Variants in TTLL5 observed in about 807,000 individuals in gnomAD.
The protein encoded by TTLL5 is tubulin tyrosine ligase like 5, also known as tubulin polyglutamylase TTLL5.
A neutral mutation model predicts 168.4 loss-of-function variants in TTLL5; 132 were observed. The ratio of observed to expected loss-of-function variants is 0.78; its 90% CI spans 0.68 to 0.91. TTLL5 has a LOEUF of 0.91. Among genes scored for constraint, TTLL5 ranks in the 40% least tolerant of loss-of-function variants. The pLI is 0.00. For synonymous variants in TTLL5, 546 were observed against 558.6 expected (o/e 0.98, Z 0.32); for missense variants, 1,545 against 1,581.5 (o/e 0.98, Z 0.39).
At chr14:75,929,636 A>G (rs2034208009) in intron 31 of TTLL5, among the ~76,000 whole-genome samples, 1 of 152,062 alleles carries the variant, frequency 6.6e-6, no homozygotes, top group African/African-American at 2.4e-5. Context: ...TATTTTTAGT[A>G]GAGACAGGGT....
chr14:75,787,058 G>A (rs1359347253), intron 26 of TTLL5, among the ~76,000 whole-genome samples: 2 of 151,952 alleles, frequency 1.3e-5, no homozygotes, highest in Non-Finnish European at 2.9e-5. Context: ...GCTTGAACCC[G>A]GGAGGCAGAG....
At chr14:75,696,442 G>A (rs2140149311) in intron 6 of TTLL5, among the ~76,000 whole-genome samples, 1 of 152,206 alleles carries the variant, frequency 6.6e-6, no homozygotes, top group South Asian at 2.1e-4. Context: ...GATATTAATA[G>A]CCTCTTGCTC....
chr14:75,667,776 T>TTTTTTTTTTTG (rs869185683), intron 2 of TTLL5, among the ~76,000 whole-genome samples: 1 of 146,950 alleles, frequency 6.8e-6, no homozygotes, highest in Non-Finnish European at 1.5e-5. Flanking sequence ...TTTTTTTTTT[T>TTTTTTTTTTTG]ATTGAGACGG....
At chr14:75,912,402 G>A (rs2033429037) in intron 31 of TTLL5, among the ~76,000 whole-genome samples, 1 of 152,090 alleles carries the variant, frequency 6.6e-6, no homozygotes, top group African/African-American at 2.4e-5. Context: ...CATTTTTTCA[G>A]ATGGGATTGT....
At chr14:75,867,859 C>G (rs564537606) in intron 29 of TTLL5, among the ~76,000 whole-genome samples, 1 of 151,930 alleles carries the variant, frequency 6.6e-6, no homozygotes, top group South Asian at 2.1e-4. Context: ...TATATTGATA[C>G]AGCCCAATGC....
intron 30 of TTLL5, chr14:75,887,164 A>G: frequency 9.8e-7 from 1 of 1,020,568 alleles, no homozygotes; most frequent in South Asian, 4.4e-5. Flanking sequence ...CAGGGAGGAA[A>G]GCCATCAGGA....
At chr14:75,923,713 A>G (rs529891856) in intron 31 of TTLL5, among the ~76,000 whole-genome samples, 1 of 152,312 alleles carries the variant, frequency 6.6e-6, no homozygotes, top group African/African-American at 2.4e-5. Flanking sequence ...AGTACTATAG[A>G]TGTCTATTAG....
At chr14:75,690,377 TTAC>T in intron 6 of TTLL5, 55 bp downstream of exon 6, 9 of 1,544,368 alleles carry the variant, frequency 5.8e-6, no homozygotes, top group Non-Finnish European at 7.8e-6. Context: ...TGGGGAATAT[TTAC>T]CCCAAAAGCC....
intron 7 of TTLL5, among the ~76,000 whole-genome samples, chr14:75,706,360 A>G (rs1002044954): frequency 2.6e-5 from 4 of 152,224 alleles, no homozygotes; most frequent in African/African-American, 4.8e-5. Flanking sequence ...GGCAGAGATT[A>G]TATGTGTTAT....
At chr14:75,914,635 T>C (rs1333596201) in intron 31 of TTLL5, among the ~76,000 whole-genome samples, 1 of 148,570 alleles carries the variant, frequency 6.7e-6, no homozygotes, top group Non-Finnish European at 1.5e-5. Flanking sequence ...TTTTTTTTTT[T>C]TTTTTTGAGA....
chr14:75,721,898 A>G (rs563018481), intron 12 of TTLL5, among the ~76,000 whole-genome samples: 85 of 152,366 alleles, frequency 5.6e-4, no homozygotes, highest in African/African-American at 2.0e-3. Context: ...TAGATAAATC[A>G]GGACCTAAAA....
Position 75,707,063 on chromosome 14 carries a change from A to G in TTLL5, c.631A>G (p.Ile211Val). 1 of 1,612,952 alleles carries G rather than the reference A, an allele frequency of 6.2e-7. No homozygotes were observed. Among genetic ancestry groups the G allele is most frequent in the Non-Finnish European group, 8.5e-7 (1 of 1,179,236 alleles). Residue 211 changes from isoleucine to valine, a missense_variant, in exon 8 of 32, where the codon ATT becomes GTT. Coordinates refer to ENST00000298832, the MANE Select transcript of TTLL5 (RefSeq NM_015072.5). ...LEENILVSRY[I>V]NNPLLIDDFK... is the part of the protein sequence containing the mutation. ...AGAGAACATTTTGGTCTCCCGTTACATTAACAACCCCCTGCTCATAGATGG... is the reference window on the plus strand; with the variant it reads ...AGAGAACATTTTGGTCTCCCGTTACGTTAACAACCCCCTGCTCATAGATGG...
chr14:75,684,331 G>A (rs1476994896), intron 5 of TTLL5: 1 of 152,020 alleles, frequency 6.6e-6, no homozygotes, highest in Non-Finnish European at 1.5e-5. Flanking sequence ...ATCTTAGTCT[G>A]GTATATTGTC....
In TTLL5 at chr14:75,886,582, AT is replaced by A; in HGVS notation, c.3740+3681del. ...ATATACTTGTATTTCATTTAGCTAA[AT>A]CTCATTTGTCAGTTCTGTGAAGGGA... On this transcript the variant is annotated intron_variant, in intron 30 of 31. Transcript: ENST00000298832. 3.4e-6 allele frequency: 4 copies of A among 1,193,562 alleles called. No homozygotes were observed. The South Asian group carries it at 5.6e-5, about 17-fold the overall frequency. 73.9% of individuals were successfully genotyped at this position (1,193,562 alleles called of 1,614,324 possible). A position where few individuals can be genotyped will look rare whatever the true frequency, so the allele number is the denominator to read the frequency against.
At chr14:75,732,249 T>C in intron 12 of TTLL5, 89 bp from the exon 13 acceptor site, 1 of 1,107,836 alleles carries the variant, frequency 9.0e-7, no homozygotes, top group Non-Finnish European at 1.3e-6. Context: ...TTTCTAGGCC[T>C]GGGAGTTAAT....
At chr14:75,940,051 C>G (rs2034549603) in intron 31 of TTLL5, among the ~76,000 whole-genome samples, 1 of 150,948 alleles carries the variant, frequency 6.6e-6, no homozygotes, top group Non-Finnish European at 1.5e-5. Flanking sequence ...TCTTCATTAC[C>G]AGAGCTCCCT....
At chr14:75,939,207 TAGA>T (rs2034522771) in intron 31 of TTLL5, among the ~76,000 whole-genome samples, 1 of 152,212 alleles carries the variant, frequency 6.6e-6, no homozygotes, top group Admixed American at 6.5e-5. Context: ...CAGAATGAAA[TAGA>T]AGAATACCAG....
chr14:75,878,935 A>C (rs1446576203), intron 29 of TTLL5, among the ~76,000 whole-genome samples: 1 of 152,234 alleles, frequency 6.6e-6, no homozygotes, highest in Non-Finnish European at 1.5e-5. Context: ...ACAAGATTAC[A>C]TCTGGATATA....
chr14:75,710,919 A>C (rs751089368), intron 9 of TTLL5: 1 of 152,236 alleles, frequency 6.6e-6, no homozygotes, highest in Non-Finnish European at 1.5e-5. Flanking sequence ...GGAGGCAAAT[A>C]CAATTCATTT....
Sources: gnomAD v4.1 joint callset for allele counts (sites outside exome capture counted in the v4.1 genomes callset) on GRCh38, gnomAD v4.1.1 for gene constraint, MANE v1.5 for transcripts, NCBI Gene and HGNC (gene_info 2026-07-23, HGNC 2026-07-21) for gene names.